The following DNMT3B variants were observed in gnomAD, a reference collection of about 807,000 sequenced individuals.
DNMT3B encodes the protein DNA methyltransferase 3 beta.
A neutral mutation model predicts 120.2 loss-of-function variants in DNMT3B; 37 were observed. That is an observed-to-expected ratio of 0.31 (90% confidence interval 0.24 to 0.40). DNMT3B has a LOEUF of 0.40. Ranked by LOEUF, DNMT3B falls within the 10% of genes least tolerant of loss-of-function variation. DNMT3B has a pLI of 1.00. For synonymous variants in DNMT3B, 412 were observed against 442.8 expected (o/e 0.93, Z 0.87); for missense variants, 878 against 1,137.3 (o/e 0.77, Z 3.28).
In DNMT3B at chr20:32,792,630, C is replaced by T. The variant is rs1362721885; in HGVS notation, c.926C>T (p.Ala309Val). Residue 309 changes from alanine to valine, a missense_variant, in exon 9 of 23, where the codon GCT becomes GTT. By Grantham distance (64) the Ala-to-Val change is moderately conservative (BLOSUM62 0). This residue lies in a region of DNMT3B where 207 missense variants were observed against 222.6 expected (regional missense o/e 0.93). Coordinates refer to ENST00000328111, the MANE Select transcript of DNMT3B (RefSeq NM_006892.4). ...TCACAGACTCTGCCTTTGCAGAAAG[C>T]TAGGGTGCGAGCTGGCAAGACCTTC... ...RKAMYHALEK[A>V]RVRAGKTFPS... The T allele has an allele frequency of 6.2e-7, 1 of 1,614,200 alleles. No homozygotes were observed. The highest frequency in any genetic ancestry group is 2.2e-5 in the East Asian group (1 of 44,878).
Position 32,787,458 on chromosome 20 carries a change from C to T in DNMT3B, c.654+7C>T, listed in dbSNP as rs1979462155. On this transcript the variant is annotated splice_region_variant and intron_variant, in intron 6 of 22. Transcript: ENST00000328111. The stretch of plus-strand genomic sequence containing the variant: ...AGACAGTTCAGAGTATCAGGTATGG[C>T]CGAGAGGGGCTCCTGCCCAGGGTGA... The T allele has an allele frequency of 1.2e-6, 2 of 1,611,528 alleles. No homozygotes were observed. Among genetic ancestry groups the T allele is most frequent in the South Asian group, 1.1e-5 (1 of 90,850 alleles).
At chr20:32,800,345 TC>T in intron 17 of DNMT3B, 47 bp downstream of exon 17, 1 of 1,612,702 alleles carries the variant, frequency 6.2e-7, no homozygotes, top group Non-Finnish European at 8.5e-7. Flanking sequence ...CCTGTCTTTT[TC>T]CCCAGTCCTC....
Position 32,781,409 on chromosome 20 carries a change from A to T in DNMT3B, c.199A>T (p.Thr67Ser). The T allele has an allele frequency of 6.2e-7, 1 of 1,614,174 alleles. No homozygotes were observed. The highest frequency in any genetic ancestry group is 8.5e-7 in the Non-Finnish European group (1 of 1,180,028). ...GGAGGTGTCCAGTCTGCTAAGCTAC[A>T]CACAGGTATGGTCTCTGCTCTCCCT... ...KREVSSLLSY[T>S]QDLTGDGDGE... The change falls in exon 3 of 23, where the codon ACA becomes TCA. Residue 67 changes from threonine (T) to serine (S), a missense_variant. By Grantham distance (58) the Thr-to-Ser change is moderately conservative (BLOSUM62 1). Transcript: ENST00000328111.
In DNMT3B at chr20:32,798,583, C is replaced by T. The variant is rs1398931353; in HGVS notation, c.1614C>T (p.Arg538=). ...LPQRCHGVLR[R]RKDWNVRLQA... ...AGCGCTGTCATGGCGTCCTGCGGCGCCGGAAGGACTGGAACGTGCGCCTGC... is the reference window on the plus strand; with the variant it reads ...AGCGCTGTCATGGCGTCCTGCGGCGTCGGAAGGACTGGAACGTGCGCCTGC... The change falls in exon 15 of 23, where the codon CGC becomes CGT. Residue 538 remains arginine, a synonymous_variant. Coordinates refer to ENST00000328111, the MANE Select transcript of DNMT3B (RefSeq NM_006892.4). The T allele has an allele frequency of 6.2e-7, 1 of 1,614,224 alleles. No homozygotes were observed. The highest frequency in any genetic ancestry group is 2.2e-5 in the East Asian group (1 of 44,880).
chr20:32,781,479 C>T, intron 3 of DNMT3B, 65 bp downstream of exon 3: 1 of 1,568,118 alleles, frequency 6.4e-7, no homozygotes, highest in Non-Finnish European at 8.8e-7. Flanking sequence ...ATCACGTGGG[C>T]TGCCTGAGGC....
At chr20:32,781,281 C>T (rs771169367) in intron 2 of DNMT3B, 72 bp from the exon 3 acceptor site, 2 of 1,546,550 alleles carry the variant, frequency 1.3e-6, no homozygotes. Context: ...GAGAAAAGCC[C>T]CTATTAGCAA....
At chr20:32,764,097 A>G (rs942474147) in intron 1 of DNMT3B, among the ~76,000 whole-genome samples, 1 of 152,118 alleles carries the variant, frequency 6.6e-6, no homozygotes, top group African/African-American at 2.4e-5. Flanking sequence ...CCATTGTTGG[A>G]ATCACTAGCT....
chr20:32,799,402 T>A, intron 16 of DNMT3B, 74 bp downstream of exon 16: 1 of 1,523,266 alleles, frequency 6.6e-7, no homozygotes, highest in Non-Finnish European at 8.9e-7. Context: ...AAGGCATGGT[T>A]AAGGTGTCTG....
intron 1 of DNMT3B, among the ~76,000 whole-genome samples, chr20:32,767,692 C>T (rs1411431351): frequency 6.6e-6 from 1 of 152,180 alleles, no homozygotes; most frequent in African/African-American, 2.4e-5. Flanking sequence ...CCTCAGTCTC[C>T]GAAAGTGCTG....
At chr20:32,765,743 A>ATTTC (rs1987306699) in intron 1 of DNMT3B, among the ~76,000 whole-genome samples, 1 of 89,646 alleles carries the variant, frequency 1.1e-5, no homozygotes, top group African/African-American at 5.0e-5. Flanking sequence ...TTATTTATTT[A>ATTTC]TTTTTTCTTT....
rs2146104167 is a variant in DNMT3B, at chr20:32,809,078, G to GT, written c.*1180dup. On this transcript the variant is annotated 3_prime_UTR_variant, in exon 23 of 23. Coordinates refer to ENST00000328111, the MANE Select transcript of DNMT3B (RefSeq NM_006892.4). ...GCATTTCAGAAATGCTGTCATAATG[G>GT]TTTTTAACACCTTTTACTCTTCTTA... 1 of 216,752 alleles carries GT rather than the reference G, an allele frequency of 4.6e-6. No homozygotes were observed. Among genetic ancestry groups the GT allele is most frequent in the Admixed American group, 5.8e-5 (1 of 17,208 alleles). The allele number at this position is 216,752 out of a possible 1,614,324, so 13.4% of individuals were successfully genotyped here.
Position 32,788,925 on chromosome 20 carries a change from G to T in DNMT3B, c.726G>T (p.Met242Ile), listed in dbSNP as rs763490983. 1 of 1,613,794 alleles carries T rather than the reference G, an allele frequency of 6.2e-7. No homozygotes were observed. Among genetic ancestry groups the T allele is most frequent in the African/African-American group, 1.3e-5 (1 of 74,838 alleles). Residue 242 changes from methionine (M) to isoleucine (I), a missense_variant, in exon 7 of 23, where the codon ATG becomes ATT. By Grantham distance (10) the Met-to-Ile change is conservative (BLOSUM62 1). Around this residue, in one of 4 missense-constraint regions of DNMT3B, gnomAD observed 50 missense variants for 89.7 expected, o/e 0.56. Coordinates refer to ENST00000328111, the MANE Select transcript of DNMT3B (RefSeq NM_006892.4). ...KIKGFSWWPA[M>I]VVSWKATSKR... ...AGGGCTTCTCCTGGTGGCCCGCCATGGTGGTGTCTTGGAAGGCCACCTCCA... is the reference window on the plus strand; with the variant it reads ...AGGGCTTCTCCTGGTGGCCCGCCATTGTGGTGTCTTGGAAGGCCACCTCCA...
chr20:32,765,721 C>CT (rs1987302464), intron 1 of DNMT3B, among the ~76,000 whole-genome samples: 1 of 141,904 alleles, frequency 7.0e-6, no homozygotes, highest in Admixed American at 7.1e-5. Context: ...CACCCGGCTG[C>CT]TTTTTATTTA....
At chr20:32,784,467 C>T (rs1411890098) in intron 3 of DNMT3B, among the ~76,000 whole-genome samples, 1 of 152,220 alleles carries the variant, frequency 6.6e-6, no homozygotes, top group African/African-American at 2.4e-5. Flanking sequence ...TCCAGCCAGA[C>T]CTAGCTGCTC....
intron 3 of DNMT3B, 26 bp downstream of exon 3, chr20:32,781,440 A>C: frequency 6.2e-7 from 1 of 1,613,676 alleles, no homozygotes; most frequent in Middle Eastern, 1.7e-4. Flanking sequence ...TCCCTTTTTC[A>C]GGGCTCAGGG....
chr20:32,800,735 G>A (rs1188231130), intron 17 of DNMT3B, 100 bp from the exon 18 acceptor site: 3 of 1,345,620 alleles, frequency 2.2e-6, no homozygotes, highest in Non-Finnish European at 3.2e-6. Flanking sequence ...GATTACAGGT[G>A]TGAGCCACCT....
chr20:32,777,499 G>A (rs983886665), intron 1 of DNMT3B, among the ~76,000 whole-genome samples: 2 of 152,154 alleles, frequency 1.3e-5, no homozygotes, highest in Non-Finnish European at 2.9e-5. Context: ...GGATGAAGGC[G>A]AAGGAGGTCA....
chr20:32,805,457 T>A (rs1292900485), intron 21 of DNMT3B, 50 bp downstream of exon 21: 2 of 1,609,564 alleles, frequency 1.2e-6, no homozygotes, highest in Non-Finnish European at 1.7e-6. Flanking sequence ...GACCTCCAAG[T>A]GGGGACTTGG....
intron 1 of DNMT3B, among the ~76,000 whole-genome samples, chr20:32,773,960 T>TTTTTA (rs60255175): frequency 2.1e-5 from 3 of 146,250 alleles, no homozygotes; most frequent in South Asian, 2.2e-4. Flanking sequence ...TTTTTTTTTT[T>TTTTTA]ACGCTTTCCT....
Sources: allele counts gnomAD v4.1 joint callset (sites outside exome capture counted in the v4.1 genomes callset), GRCh38; gene constraint gnomAD v4.1.1; regional missense constraint gnomAD v4.1.1; transcripts MANE v1.5; gene names NCBI Gene and HGNC (gene_info 2026-07-23, HGNC 2026-07-21).